The following KCNC4 variants were observed in gnomAD, a reference collection of about 807,000 sequenced individuals.
The protein encoded by KCNC4 is potassium voltage-gated channel subfamily C member 4.
A neutral mutation model predicts 42.8 loss-of-function variants in KCNC4; 23 were observed. The observed-to-expected ratio is 0.54, with a 90% CI of 0.39 to 0.76. KCNC4 has a LOEUF of 0.76. Among genes scored for constraint, KCNC4 ranks in the 30% least tolerant of loss-of-function variants. The pLI is 0.00. For missense variants in KCNC4, 751 were observed against 898.2 expected, an observed-to-expected ratio of 0.84 and a Z score of 2.10; for synonymous variants, 422 against 393.5, an observed-to-expected ratio of 1.07 and a Z score of -0.86.
chr1:110,278,195 G>A (rs936888816), intron 1 of KCNC4, among the ~76,000 whole-genome samples: 14 of 135,468 alleles, frequency 1.0e-4, no homozygotes, highest in African/African-American at 3.9e-4. Flanking sequence ...AGGGACGGAA[G>A]GAGGAAAAAA....
chr1:110,245,526 T>C (rs1292825873), exon 4 of KCNC4: 2 of 152,218 alleles, frequency 1.3e-5, no homozygotes, highest in Non-Finnish European at 2.9e-5. Context: ...AACATGGTAG[T>C]TATCCTGCAC....
intron 1 of KCNC4, among the ~76,000 whole-genome samples, chr1:110,267,020 C>T (rs1659550890): frequency 6.6e-6 from 1 of 152,228 alleles, no homozygotes; most frequent in Non-Finnish European, 1.5e-5. Flanking sequence ...CCCCAGAGGT[C>T]TTGTAGCTTC....
At chr1:110,274,200 T>A (rs3904625) in intron 1 of KCNC4, among the ~76,000 whole-genome samples, 6 of 151,802 alleles carry the variant, frequency 4.0e-5, no homozygotes, top group South Asian at 2.1e-4. Context: ...CCAATAAAAC[T>A]CAAGCTGAGA....
chr1:110,222,720 T>C, intron 1 of KCNC4: 2 of 518,222 alleles, frequency 3.9e-6, no homozygotes, highest in Non-Finnish European at 7.0e-6. Context: ...ACCTGACCAG[T>C]GTTTCCAGCC....
intron 1 of KCNC4, among the ~76,000 whole-genome samples, chr1:110,268,853 T>C (rs1164178238): frequency 6.6e-6 from 1 of 151,258 alleles, no homozygotes; most frequent in Non-Finnish European, 1.5e-5. Flanking sequence ...TCAGCCTCTC[T>C]GAGTAGCTGG....
chr1:110,268,610 G>GAAAAAAAAAAAAAAAAAAAAA (rs1177241176), intron 1 of KCNC4, among the ~76,000 whole-genome samples: 1 of 82,016 alleles, frequency 1.2e-5, no homozygotes, highest in African/African-American at 4.5e-5. Context: ...TGTCTCAAAA[G>GAAAAAAAAAAAAAAAAAAAAA]AAAAAAAAAA....
At chr1:110,264,740 C>G (rs769322436) in intron 1 of KCNC4, among the ~76,000 whole-genome samples, 1 of 152,068 alleles carries the variant, frequency 6.6e-6, no homozygotes, top group Non-Finnish European at 1.5e-5. Context: ...TTATTTAGAC[C>G]CCTAAGAGGG....
At chr1:110,275,968 A>AAG (rs1659713264) in intron 1 of KCNC4, among the ~76,000 whole-genome samples, 1 of 151,648 alleles carries the variant, frequency 6.6e-6, no homozygotes, top group South Asian at 2.1e-4. Flanking sequence ...AAAAAAAAAA[A>AAG]AAAAGAAGAA....
intron 1 of KCNC4, among the ~76,000 whole-genome samples, chr1:110,255,069 C>G (rs1417891502): frequency 6.6e-6 from 1 of 152,238 alleles, no homozygotes; most frequent in Non-Finnish European, 1.5e-5. Context: ...AGAGATGATT[C>G]TCATTTAAGA....
intron 1 of KCNC4, among the ~76,000 whole-genome samples, chr1:110,281,491 C>T (rs552285288): frequency 1.8e-3 from 258 of 146,176 alleles, no homozygotes; most frequent in African/African-American, 5.9e-3. Flanking sequence ...GCAATGGGGG[C>T]GGGAAGGGGG....
At chr1:110,277,295 A>T (rs1157242470) in intron 1 of KCNC4, among the ~76,000 whole-genome samples, 1 of 152,268 alleles carries the variant, frequency 6.6e-6, no homozygotes, top group East Asian at 1.9e-4. Context: ...AAGATAATAG[A>T]AATGTAATGC....
chr1:110,257,720 C>CAAAAAAAAAAAAAAAAAAAAAAAAAAAAA (rs56333861), intron 1 of KCNC4, among the ~76,000 whole-genome samples: 3 of 90,974 alleles, frequency 3.3e-5, no homozygotes, highest in African/African-American at 1.5e-4. Flanking sequence ...GACTCCGTCT[C>CAAAAAAAAAAAAAAAAAAAAAAAAAAAAA]AAAAAAAAAA....
chr1:110,232,862 G>T, intron 3 of KCNC4, 49 bp from the exon 4 acceptor site: 1 of 1,574,478 alleles, frequency 6.4e-7, no homozygotes. Context: ...GCAATGTTGA[G>T]CCGAAAGCGT....
At chr1:110,214,449 C>A (rs991541622) in intron 1 of KCNC4, among the ~76,000 whole-genome samples, 16 of 152,212 alleles carry the variant, frequency 1.1e-4, no homozygotes, top group African/African-American at 3.4e-4. Flanking sequence ...CCGGGACACA[C>A]AAGTGGGAAT....
chr1:110,261,994 G>A (rs908832106), intron 1 of KCNC4, among the ~76,000 whole-genome samples: 4 of 152,156 alleles, frequency 2.6e-5, no homozygotes, highest in Admixed American at 6.5e-5. Flanking sequence ...ATGTTTAGAT[G>A]TTTCCATCAT....
intron 3 of KCNC4, among the ~76,000 whole-genome samples, chr1:110,231,388 A>C (rs1658683672): frequency 6.6e-6 from 1 of 151,912 alleles, no homozygotes; most frequent in Admixed American, 6.6e-5. Flanking sequence ...CCCCTCCCCA[A>C]CTCTCAGAGG....
chr1:110,251,791 A>T (rs1659254190), downstream of KCNC4, among the ~76,000 whole-genome samples: 1 of 152,270 alleles, frequency 6.6e-6, no homozygotes, highest in African/African-American at 2.4e-5. Context: ...CGATCCCATT[A>T]TGCAGGCAAA....
Position 110,233,453 on chromosome 1 carries a change from A to T in KCNC4, c.*481A>T. ...GTCAGCAAGTAACCTGGTGAAGTCTATTGAAGGCCAGACTGCCCCCTAGGG... is the reference window on the plus strand; with the variant it reads ...GTCAGCAAGTAACCTGGTGAAGTCTTTTGAAGGCCAGACTGCCCCCTAGGG... On this transcript the variant is annotated 3_prime_UTR_variant, in exon 4 of 4. Coordinates refer to ENST00000438661, the MANE Select transcript of KCNC4 (RefSeq NM_001039574.3). 5.2e-6 allele frequency: 1 copy of T among 193,108 alleles called. No individual in the cohort carries two copies. The highest frequency in any genetic ancestry group is 9.6e-5 in the South Asian group (1 of 10,386). 12.0% of individuals were successfully genotyped at this position (193,108 alleles called of 1,614,324 possible).
chr1:110,212,797 G>T (rs1192198496), intron 1 of KCNC4, among the ~76,000 whole-genome samples: 1 of 152,144 alleles, frequency 6.6e-6, no homozygotes. Context: ...TGCCAGGGAG[G>T]ATACCATGCC....
Sources: gnomAD v4.1 joint callset for allele counts (sites outside exome capture counted in the v4.1 genomes callset) on GRCh38, gnomAD v4.1.1 for gene constraint, MANE v1.5 for transcripts, NCBI Gene and HGNC (gene_info 2026-07-23, HGNC 2026-07-21) for gene names.